CRB1: variants seen among roughly 807,000 people sequenced by gnomAD.
The protein encoded by CRB1 is crumbs cell polarity complex component 1.
Under a neutral mutation model 120.0 loss-of-function variants are expected in CRB1, and 83 were observed. The observed-to-expected ratio is 0.69, with a 90% CI of 0.58 to 0.83. CRB1 has a LOEUF of 0.83. Ranked by LOEUF, CRB1 falls within the 40% of genes least tolerant of loss-of-function variation. The probability of loss-of-function intolerance (pLI) is 0.00; values close to 1 mark genes in which losing one functional copy is unlikely to be tolerated. For synonymous variants in CRB1, 625 were observed against 612.5 expected (o/e 1.02, Z -0.30); for missense variants, 1,699 against 1,687.6 (o/e 1.01, Z -0.12).
chr1:197,468,232 T>C (rs1666833394), intron 11 of CRB1, among the ~76,000 whole-genome samples: 1 of 152,060 alleles, frequency 6.6e-6, no homozygotes, highest in Admixed American at 6.6e-5. Flanking sequence ...TTTCTCCTTG[T>C]TTTTCCTTCA....
intron 4 of CRB1, among the ~76,000 whole-genome samples, chr1:197,354,276 T>A (rs550149114): frequency 1.1e-4 from 16 of 152,256 alleles, no homozygotes; most frequent in African/African-American, 3.6e-4. Flanking sequence ...ACCCACAAAT[T>A]CCATCTCTAG....
chr1:197,459,189 G>C (rs921471666), intron 11 of CRB1, among the ~76,000 whole-genome samples: 3 of 152,034 alleles, frequency 2.0e-5, no homozygotes, highest in African/African-American at 7.2e-5. Flanking sequence ...GGATTCCCTC[G>C]ACCAAACTTT....
intron 5 of CRB1, among the ~76,000 whole-genome samples, chr1:197,410,755 G>A (rs1663668877): frequency 6.6e-6 from 1 of 152,140 alleles, no homozygotes; most frequent in Admixed American, 6.5e-5. Flanking sequence ...AGAATCTTAG[G>A]ACTGGGAGAA....
At chr1:197,359,998 T>C (rs907244234) in intron 5 of CRB1, among the ~76,000 whole-genome samples, 2 of 152,162 alleles carry the variant, frequency 1.3e-5, no homozygotes, top group East Asian at 1.9e-4. Context: ...CCTGGGCGTT[T>C]TTTGTGAGGT....
chr1:197,262,856 G>A, the CRB1 span, among the ~76,000 whole-genome samples: 829 of 152,212 alleles, frequency 5.4e-3, 10 homozygotes, highest in African/African-American at 0.019. Flanking sequence ...CAAAGGACGC[G>A]ATTTTGTTGT....
At chr1:197,406,072 G>T (rs1206886268) in intron 5 of CRB1, among the ~76,000 whole-genome samples, 1 of 152,228 alleles carries the variant, frequency 6.6e-6, no homozygotes. Flanking sequence ...CGTCTGGGAG[G>T]TGTACCCAAC....
chr1:197,293,467 C>T lies in CRB1; in HGVS notation c.70+24985C>T, dbSNP rs183399264. Among the ~76,000 whole-genome samples, 54 of 152,140 alleles carry T rather than the reference C, an allele frequency of 3.5e-4. 1 individual carries two copies. The highest frequency in any genetic ancestry group is 1.2e-3 in the African/African-American group (48 of 41,508). On this transcript the variant is annotated intron_variant, in intron 1 of 11. Transcript: ENST00000367400. Reference sequence around the variant, plus strand: ...GCTCATGGATAGGAAGAATCAATATCGTGAAAATGGCCATACTGCCTAAGG... The same window carrying T: ...GCTCATGGATAGGAAGAATCAATATTGTGAAAATGGCCATACTGCCTAAGG...
chr1:197,450,957 CAAAAAAAAAAAAA>C (rs11288525), intron 11 of CRB1, among the ~76,000 whole-genome samples: 1 of 56,630 alleles, frequency 1.8e-5, no homozygotes, highest in Admixed American at 2.8e-4. Flanking sequence ...GACTCCGTCC[CAAAAAAAAAAAAA>C]AAAAAAAAAA....
At chr1:197,261,089 A>C in the CRB1 span, among the ~76,000 whole-genome samples, 75 of 152,340 alleles carry the variant, frequency 4.9e-4, 1 homozygote, top group Non-Finnish European at 5.7e-4. Context: ...AAAGAGGCTC[A>C]ATTTTTCTAA....
chr1:197,253,667 G>C, the CRB1 span, among the ~76,000 whole-genome samples: 1 of 152,014 alleles, frequency 6.6e-6, no homozygotes, highest in Non-Finnish European at 1.5e-5. Context: ...ATTATTTTTG[G>C]AAAGTACATA....
chr1:197,245,719 C>G, the CRB1 span, among the ~76,000 whole-genome samples: 2 of 151,958 alleles, frequency 1.3e-5, no homozygotes, highest in South Asian at 2.1e-4. Context: ...TTTAAGCTTT[C>G]TGTACTAGCT....
At chr1:197,342,463 C>T (rs1034053801) in intron 2 of CRB1, among the ~76,000 whole-genome samples, 31 of 152,190 alleles carry the variant, frequency 2.0e-4, no homozygotes, top group African/African-American at 7.0e-4. Flanking sequence ...ACCTTCTTCT[C>T]GTCTAGCTGT....
chr1:197,421,553 A>G lies in CRB1; in HGVS notation c.1725A>G (p.Ala575=), dbSNP rs1240962420. 1.2e-6 allele frequency: 2 copies of G among 1,614,248 alleles called. No individual in the cohort carries two copies. Among genetic ancestry groups the G allele is most frequent in the Admixed American group, 1.7e-5 (1 of 60,028 alleles). The part of the protein sequence containing the change: ...GEWHFVEVIF[A]EAVTLTLIDD... ...GGCATTTCGTGGAGGTAATATTTGC[A>G]GAGGCTGTGACCCTTACCTTAATCG... Residue 575 remains alanine, a synonymous_variant, in exon 6 of 12, where the codon GCA becomes GCG. Transcript: ENST00000367400.
chr1:197,230,387 G>A, the CRB1 span, among the ~76,000 whole-genome samples: 1 of 152,152 alleles, frequency 6.6e-6, no homozygotes, highest in Non-Finnish European at 1.5e-5. Flanking sequence ...GCATTAATAA[G>A]ATTTTTATTT....
chr1:197,319,195 G>T (rs1470534398), intron 1 of CRB1, among the ~76,000 whole-genome samples: 1 of 145,440 alleles, frequency 6.9e-6, no homozygotes, highest in African/African-American at 2.5e-5. Context: ...GGGCTGAGGT[G>T]GGCAAATCAT....
At chr1:197,442,000 A>T in intron 10 of CRB1, 166 bp from the exon 11 acceptor site, 1 of 794,344 alleles carries the variant, frequency 1.3e-6, no homozygotes, top group Non-Finnish European at 2.1e-6. Flanking sequence ...TGTGTTAAAG[A>T]AATTTTAAGA....
chr1:197,317,813 A>G (rs562401055), intron 1 of CRB1, among the ~76,000 whole-genome samples: 15 of 152,184 alleles, frequency 9.9e-5, no homozygotes, highest in African/African-American at 3.4e-4. Context: ...ATGAAACTAG[A>G]CTCCTATCTC....
intron 5 of CRB1, among the ~76,000 whole-genome samples, chr1:197,416,975 G>A (rs1664038791): frequency 6.6e-6 from 1 of 152,198 alleles, no homozygotes; most frequent in African/African-American, 2.4e-5. Context: ...CCAAAGTGCT[G>A]GGATTACAGG....
At chr1:197,341,866 C>T (rs554581709) in intron 2 of CRB1, among the ~76,000 whole-genome samples, 10 of 152,346 alleles carry the variant, frequency 6.6e-5, no homozygotes, top group African/African-American at 2.4e-4. Context: ...GCTGAAACCA[C>T]TGTTCCCATG....
Sources: gnomAD v4.1 joint callset for allele counts (sites outside exome capture counted in the v4.1 genomes callset) on GRCh38, gnomAD v4.1.1 for gene constraint, MANE v1.5 for transcripts, NCBI Gene and HGNC (gene_info 2026-07-23, HGNC 2026-07-21) for gene names.